LRP1B: variants seen among roughly 807,000 people sequenced by gnomAD.
LRP1B encodes low-density lipoprotein receptor-related protein 1B.
Under a neutral mutation model 556.6 loss-of-function variants are expected in LRP1B, and 217 were observed. The ratio of observed to expected loss-of-function variants is 0.39; its 90% CI spans 0.35 to 0.44. LRP1B has a LOEUF of 0.44. LRP1B is among the 20% of genes least tolerant of loss of function. The pLI is 1.00. For missense variants in LRP1B, 5,053 were observed against 5,620.8 expected (o/e 0.90, Z 3.23); for synonymous variants, 2,047 against 1,865.8 (o/e 1.10, Z -2.50).
At chr2:141,106,153 T>C (rs1384812961) in intron 7 of LRP1B, among the ~76,000 whole-genome samples, 2 of 152,180 alleles carry the variant, frequency 1.3e-5, no homozygotes, top group Non-Finnish European at 1.5e-5. Context: ...CTCAGTCTCA[T>C]ATGTGTAAAG....
At chr2:141,627,487 G>T (rs991164506) in intron 2 of LRP1B, among the ~76,000 whole-genome samples, 1 of 152,192 alleles carries the variant, frequency 6.6e-6, no homozygotes. Context: ...GAGATGAGCT[G>T]CAGGCCAACC....
chr2:141,730,505 C>T (rs1194337968), intron 2 of LRP1B, among the ~76,000 whole-genome samples: 1 of 152,154 alleles, frequency 6.6e-6, no homozygotes, highest in Non-Finnish European at 1.5e-5. Context: ...TACTTGTCTA[C>T]ATTTGAAGGC....
chr2:141,352,103 C>T (rs1377272115), intron 3 of LRP1B, among the ~76,000 whole-genome samples: 1 of 151,856 alleles, frequency 6.6e-6, no homozygotes, highest in Non-Finnish European at 1.5e-5. Flanking sequence ...AATAATTTTG[C>T]ACTTTAGTAA....
chr2:141,142,683 G>T (rs1160806839), intron 7 of LRP1B, among the ~76,000 whole-genome samples: 1 of 152,008 alleles, frequency 6.6e-6, no homozygotes, highest in Non-Finnish European at 1.5e-5. Context: ...AAATAGTCAA[G>T]ACAGGGATTA....
At chr2:140,244,671 C>T (rs1001885995) in intron 87 of LRP1B, among the ~76,000 whole-genome samples, 1 of 151,098 alleles carries the variant, frequency 6.6e-6, no homozygotes, top group South Asian at 2.1e-4. Flanking sequence ...CATCAAAAGC[C>T]GGTGAACATC....
At chr2:142,036,792 C>T (rs1346553660) in intron 1 of LRP1B, among the ~76,000 whole-genome samples, 3 of 151,664 alleles carry the variant, frequency 2.0e-5, no homozygotes, top group Admixed American at 6.6e-5. Context: ...CTATTGTAAT[C>T]ACTCAGATTC....
chr2:140,520,216 T>C (rs902051339), intron 49 of LRP1B, among the ~76,000 whole-genome samples: 1 of 152,112 alleles, frequency 6.6e-6, no homozygotes, highest in East Asian at 1.9e-4. Context: ...CAAATGTCCA[T>C]CAATGATAGA....
intron 21 of LRP1B, among the ~76,000 whole-genome samples, chr2:140,911,828 A>G (rs908369522): frequency 6.6e-6 from 1 of 151,784 alleles, no homozygotes; most frequent in African/African-American, 2.4e-5. Context: ...GGCATTCCCA[A>G]CCACTGACTC....
chr2:141,421,372 C>CA (rs971590438), intron 3 of LRP1B, among the ~76,000 whole-genome samples: 2 of 151,472 alleles, frequency 1.3e-5, no homozygotes, highest in African/African-American at 4.8e-5. Context: ...ACTAAAAATA[C>CA]AAAAAAATTA....
chr2:141,094,918 C>T (rs1044207886), intron 7 of LRP1B, among the ~76,000 whole-genome samples: 5 of 152,040 alleles, frequency 3.3e-5, no homozygotes, highest in Admixed American at 1.3e-4. Flanking sequence ...TGAATGTGTC[C>T]CCCCAAAAAC....
chr2:142,118,031 C>T (rs1184104152), intron 1 of LRP1B, among the ~76,000 whole-genome samples: 1 of 152,092 alleles, frequency 6.6e-6, no homozygotes, highest in Non-Finnish European at 1.5e-5. Context: ...CCACAGTCAA[C>T]CCTATTTCTC....
At chr2:140,515,793 T>C (rs888886126) in intron 50 of LRP1B, among the ~76,000 whole-genome samples, 2 of 152,080 alleles carry the variant, frequency 1.3e-5, no homozygotes, top group Non-Finnish European at 1.5e-5. Context: ...TGTAAAGATA[T>C]ATGGCATCTT....
chr2:140,865,766 T>G (rs867903065), intron 27 of LRP1B, among the ~76,000 whole-genome samples: 1 of 152,094 alleles, frequency 6.6e-6, no homozygotes, highest in Non-Finnish European at 1.5e-5. Context: ...TACATCCACA[T>G]AGTAAAATCT....
At chr2:140,779,501 C>T (rs1689614424) in intron 32 of LRP1B, among the ~76,000 whole-genome samples, 1 of 151,832 alleles carries the variant, frequency 6.6e-6, no homozygotes. Context: ...TCGAGGCCAG[C>T]CTGACCAACA....
At chr2:140,364,275 TATTA>T (rs1440705088) in intron 72 of LRP1B, among the ~76,000 whole-genome samples, 1 of 151,528 alleles carries the variant, frequency 6.6e-6, no homozygotes, top group East Asian at 1.9e-4. Context: ...TATGAGATTT[TATTA>T]TTTATATATT....
chr2:141,586,158 G>A (rs1362233070), intron 2 of LRP1B, among the ~76,000 whole-genome samples: 1 of 152,146 alleles, frequency 6.6e-6, no homozygotes, highest in Non-Finnish European at 1.5e-5. Flanking sequence ...TAAATGAGAT[G>A]TTGGATATGA....
At chr2:140,748,786 TATATATTATATACATATTATATAC>T (rs1425330352) in intron 35 of LRP1B, among the ~76,000 whole-genome samples, 12 of 44,322 alleles carry the variant, frequency 2.7e-4, no homozygotes, top group African/African-American at 7.8e-4. Flanking sequence ...ATGTATATAA[TATATATTATATACATATTATATAC>T]ATGTATATAA....
At chr2:140,733,223 T>C (rs535084182) in intron 35 of LRP1B, among the ~76,000 whole-genome samples, 3 of 152,148 alleles carry the variant, frequency 2.0e-5, no homozygotes, top group Non-Finnish European at 2.9e-5. Flanking sequence ...AGTCAATGTA[T>C]AGTACGAATA....
At chr2:140,247,227 G>A (rs1463631224) in intron 86 of LRP1B, 65 bp from the exon 87 acceptor site, 5 of 1,124,298 alleles carry the variant, frequency 4.4e-6, no homozygotes, top group Admixed American at 1.7e-5. Flanking sequence ...GTCAGCTAAT[G>A]TAGTAACTTT....
Sources: gnomAD v4.1 joint callset for allele counts (sites outside exome capture counted in the v4.1 genomes callset) on GRCh38, gnomAD v4.1.1 for gene constraint, MANE v1.5 for transcripts, NCBI Gene and HGNC (gene_info 2026-07-23, HGNC 2026-07-21) for gene names.